APCDD1L: variants seen among roughly 807,000 people sequenced by gnomAD.
APCDD1L encodes APC down-regulated 1 like.
A neutral mutation model predicts 24.2 loss-of-function variants in APCDD1L; 21 were observed. The ratio of observed to expected loss-of-function variants is 0.87; its 90% CI spans 0.61 to 1.25. The LOEUF is 1.25. Ranked by LOEUF, APCDD1L falls within the 50% of genes most tolerant of loss-of-function variation. APCDD1L has a pLI of 0.00. For synonymous variants in APCDD1L, 321 were observed against 323.6 expected (o/e 0.99, Z 0.09); for missense variants, 704 against 711.7 (o/e 0.99, Z 0.12).
In APCDD1L at chr20:58,489,311, T is replaced by C. The variant is rs187368818; in HGVS notation, c.50-18564A>G. Among the ~76,000 whole-genome samples, 390 of 151,812 alleles carry C rather than the reference T, an allele frequency of 2.6e-3. 1 individual carries two copies. The highest frequency in any genetic ancestry group is 8.8e-3 in the African/African-American group (364 of 41,404). ...CAGCACTCTGGTAGGCTGAGGCAGG[T>C]GGATTGCTTGAATCCAGGAGTTCGA... is the stretch of plus-strand genomic sequence containing the variant. On this transcript the variant is annotated intron_variant, in intron 1 of 3. Transcript: ENST00000371149.
At position 58,470,640 on chromosome 20, in the gene APCDD1L, G is replaced by C. The variant is rs779530434; in HGVS notation, c.157C>G (p.Pro53Ala). Residue 53 changes from proline to alanine, a missense_variant, in exon 2 of 4, where the codon CCA (proline) becomes GCA (alanine). By Grantham distance (27) the Pro-to-Ala change is conservative. Transcript: ENST00000371149. ...GAGATCCAAGGTCCATTAAGGCGTG[G>C]AGGCAGGATCGCAGTGCTGGGCACT... Reference protein sequence around the residue: ...DRVPSTAILPPRLNGPWISTG... With the variant: ...DRVPSTAILPARLNGPWISTG... 2 of 1,583,158 alleles carry C rather than the reference G, an allele frequency of 1.3e-6. No individual in the cohort carries two copies. Among genetic ancestry groups the C allele is most frequent in the African/African-American group, 1.3e-5 (1 of 74,762 alleles).
chr20:58,499,418 C>A (rs909804112), intron 1 of APCDD1L, among the ~76,000 whole-genome samples: 1 of 152,198 alleles, frequency 6.6e-6, no homozygotes, highest in Admixed American at 6.5e-5. Context: ...ACACCTATGG[C>A]GACACCTGTC....
intron 1 of APCDD1L, among the ~76,000 whole-genome samples, chr20:58,482,369 A>G (rs1199556881): frequency 6.6e-6 from 1 of 152,130 alleles, no homozygotes; most frequent in Non-Finnish European, 1.5e-5. Context: ...ATAAGTCTGA[A>G]CCCTATTTTT....
intron 1 of APCDD1L, among the ~76,000 whole-genome samples, chr20:58,472,839 T>C (rs559962660): frequency 6.6e-6 from 1 of 152,272 alleles, no homozygotes; most frequent in East Asian, 1.9e-4. Flanking sequence ...GGCAGGATAT[T>C]GTAGTGGGTA....
chr20:58,467,727 G>T lies in APCDD1L; in HGVS notation c.189-69C>A. 1.5e-6 allele frequency: 2 copies of T among 1,362,222 alleles called. No individual in the cohort carries two copies. The highest frequency in any genetic ancestry group is 1.8e-5 in the South Asian group (1 of 54,538). The allele number at this position is 1,362,222 out of a possible 1,614,324, so 84.4% of individuals were successfully genotyped here. ...GCGCCGCGAGCCCCTCTCCCCTCTGGGCTGGGCTCCTTTCTCCCCCCCAGC... is the reference window on the plus strand; with the variant it reads ...GCGCCGCGAGCCCCTCTCCCCTCTGTGCTGGGCTCCTTTCTCCCCCCCAGC... On this transcript the variant is annotated intron_variant, in intron 2 of 3. Transcript: ENST00000371149. The surrounding 1 kb of genome is among the most constrained non-coding windows in gnomAD (Gnocchi z 5.9).
Position 58,470,584 on chromosome 20 carries a change from T to C in APCDD1L, c.188+25A>G, listed in dbSNP as rs1292220794. On this transcript the variant is annotated intron_variant, in intron 2 of 3. Coordinates refer to ENST00000371149, the MANE Select transcript of APCDD1L (RefSeq NM_153360.3). ...AGAAGTCTCCCAGTCCAGGGGTCCA[T>C]GGTCAGGATGACCTGAAGTCTTACC... 11 of 1,574,186 alleles carry C rather than the reference T, an allele frequency of 7.0e-6. No individual in the cohort carries two copies. The South Asian group carries it at 1.2e-4, about 17-fold the overall frequency.
At position 58,461,309 on chromosome 20, in the gene APCDD1L, G is replaced by A. The variant is rs141893427; in HGVS notation, c.987C>T (p.Thr329=). The stretch of plus-strand genomic sequence containing the variant: ...TGGTGTAGCGGCCGGCGGCATACAC[G>A]GTGAAGGTGGGCTGCCGGCAGGCTG... The part of the protein sequence containing the change: ...SDPACRQPTF[T]VYAAGRYTRG... The change falls in exon 4 of 4, where the codon ACC becomes ACT. Residue 329 remains threonine (T), a synonymous_variant. Coordinates refer to ENST00000371149, the MANE Select transcript of APCDD1L (RefSeq NM_153360.3). This position sits in a 1 kb window ranked among gnomAD's most constrained non-coding sequence, Gnocchi z 6.0. The A allele has an allele frequency of 2.2e-4, 356 of 1,606,576 alleles. No individual in the cohort carries two copies. The African/African-American group carries it at 4.1e-3, about 18-fold the overall frequency.
chr20:58,477,917 G>T (rs940140622), intron 1 of APCDD1L, among the ~76,000 whole-genome samples: 3 of 152,138 alleles, frequency 2.0e-5, no homozygotes, highest in Non-Finnish European at 2.9e-5. Flanking sequence ...ACTATGCCCA[G>T]CTCTTTCTGA....
rs912633198 is a variant in APCDD1L at position 58,508,963 on chromosome 20, TGTGTGCGCAC to T, written c.49+5686_49+5695del. The stretch of plus-strand genomic sequence containing the variant: ...GTGTGTGTGAGTGTGCATGTGTGTC[TGTGTGCGCAC>T]GTGTGTGTGCATGTGCATGCGTGTG... On this transcript the variant is annotated intron_variant, in intron 1 of 3. Transcript: ENST00000371149. This position sits in a 1 kb window ranked among gnomAD's most constrained non-coding sequence, Gnocchi z 4.0. Among the ~76,000 whole-genome samples, 17 of 150,288 alleles carry T rather than the reference TGTGTGCGCAC, an allele frequency of 1.1e-4. No homozygotes were observed. In the East Asian group the frequency reaches 3.2e-3, roughly 28 times the overall value.
intron 1 of APCDD1L, among the ~76,000 whole-genome samples, chr20:58,511,333 T>C (rs961145902): frequency 2.6e-5 from 4 of 152,262 alleles, no homozygotes; most frequent in Non-Finnish European, 4.4e-5. Context: ...TCCCTTTGCA[T>C]TGGGCTATTG....
chr20:58,477,661 T>G (rs145066325), intron 1 of APCDD1L, among the ~76,000 whole-genome samples: 3 of 152,374 alleles, frequency 2.0e-5, no homozygotes, highest in Non-Finnish European at 2.9e-5. Flanking sequence ...AGAAATATCT[T>G]GTACTTCATT....
chr20:58,496,396 C>G (rs879828805), intron 1 of APCDD1L, among the ~76,000 whole-genome samples: 1 of 152,256 alleles, frequency 6.6e-6, no homozygotes, highest in East Asian at 1.9e-4. Flanking sequence ...GACGCCTGCC[C>G]CCAGGCCAGG....
chr20:58,503,677 C>T (rs1990483364), intron 1 of APCDD1L, among the ~76,000 whole-genome samples: 1 of 152,000 alleles, frequency 6.6e-6, no homozygotes, highest in Non-Finnish European at 1.5e-5. Context: ...ACACTGAGCT[C>T]TAGGGGTAGT....
intron 1 of APCDD1L, among the ~76,000 whole-genome samples, chr20:58,487,074 C>T (rs898417589): frequency 6.6e-6 from 1 of 151,596 alleles, no homozygotes; most frequent in Non-Finnish European, 1.5e-5. Context: ...GTTGGCCAGG[C>T]TGGGAAGGTC....
intron 1 of APCDD1L, among the ~76,000 whole-genome samples, chr20:58,482,277 T>C (rs1012171870): frequency 2.6e-5 from 4 of 152,200 alleles, no homozygotes; most frequent in Non-Finnish European, 2.9e-5. Context: ...GATTTTAAGA[T>C]AGATGGTAAT....
intron 2 of APCDD1L, among the ~76,000 whole-genome samples, chr20:58,468,122 A>C (rs1408083546): frequency 6.6e-6 from 1 of 152,192 alleles, no homozygotes; most frequent in South Asian, 2.1e-4. Flanking sequence ...TGCCTGTGAC[A>C]GGGCTTGAAG....
intron 3 of APCDD1L, among the ~76,000 whole-genome samples, chr20:58,462,837 C>A (rs1989634491): frequency 1.4e-5 from 2 of 141,384 alleles, no homozygotes. Context: ...GAGCGAGACA[C>A]CATCTCAAAA....
Position 58,503,218 on chromosome 20 carries a change from C to T in APCDD1L, c.49+11441G>A, listed in dbSNP as rs117271920. 2.0e-5 allele frequency among the ~76,000 whole-genome samples: 3 copies of T among 152,208 alleles called. No individual in the cohort carries two copies. In the East Asian group the frequency reaches 5.8e-4, roughly 29 times the overall value. ...GAAGTGATTTCCTGCGAGAGGCAGA[C>T]GGAAATGCAAAAGTATTGCAAGACT... On this transcript the variant is annotated intron_variant, in intron 1 of 3. Transcript: ENST00000371149.
intron 1 of APCDD1L, among the ~76,000 whole-genome samples, chr20:58,473,599 T>TC (rs11086645): frequency 0.02 from 3,080 of 151,474 alleles, 45 homozygotes; most frequent in Non-Finnish European, 0.032. Flanking sequence ...TTTCTTTGCT[T>TC]CCCCCCCCAC....
Sources: gnomAD v4.1 joint callset for allele counts (sites outside exome capture counted in the v4.1 genomes callset) on GRCh38, gnomAD v4.1.1 for gene constraint, Gnocchi (gnomAD v3.1) non-coding constraint, MANE v1.5 for transcripts, NCBI Gene and HGNC (gene_info 2026-07-23, HGNC 2026-07-21) for gene names.